Variants in GABRB2 observed in about 807,000 individuals in gnomAD.
The protein encoded by GABRB2 is gamma-aminobutyric acid type A receptor subunit beta2, also known as gamma-aminobutyric acid receptor subunit beta-2.
A neutral mutation model predicts 54.7 loss-of-function variants in GABRB2; 16 were observed. The observed-to-expected ratio is 0.29, with a 90% CI of 0.20 to 0.44. The LOEUF (loss-of-function observed/expected upper bound fraction) is 0.44. Among genes scored for constraint, GABRB2 ranks in the 20% least tolerant of loss-of-function variants. GABRB2 has a pLI of 1.00. For missense variants in GABRB2, 355 were observed against 644.0 expected, an observed-to-expected ratio of 0.55 and a Z score of 4.86; for synonymous variants, 244 against 233.8, an observed-to-expected ratio of 1.04 and a Z score of -0.40.
chr5:161,299,586 A>G (rs1305533733), intron 9 of GABRB2, among the ~76,000 whole-genome samples: 1 of 152,094 alleles, frequency 6.6e-6, no homozygotes, highest in Admixed American at 6.6e-5. Context: ...GCTAAGCAAG[A>G]CAGTATATTA....
chr5:161,500,776 A>C (rs1759408697), intron 3 of GABRB2, among the ~76,000 whole-genome samples: 1 of 152,128 alleles, frequency 6.6e-6, no homozygotes, highest in Non-Finnish European at 1.5e-5. Context: ...CAATGTCAAA[A>C]TTTCCCCCAA....
intron 3 of GABRB2, among the ~76,000 whole-genome samples, chr5:161,460,924 G>C (rs1214771133): frequency 6.6e-6 from 1 of 152,086 alleles, no homozygotes; most frequent in Non-Finnish European, 1.5e-5. Context: ...CCAAACCACT[G>C]GCTCTTGGGA....
chr5:161,407,031 A>C (rs1756367823), intron 5 of GABRB2, among the ~76,000 whole-genome samples: 2 of 152,080 alleles, frequency 1.3e-5, no homozygotes, highest in African/African-American at 4.8e-5. Context: ...ATGAGACCAA[A>C]ACACGTAATG....
chr5:161,498,374 A>G (rs950527791), intron 3 of GABRB2, among the ~76,000 whole-genome samples: 11 of 152,126 alleles, frequency 7.2e-5, no homozygotes, highest in African/African-American at 2.7e-4. Flanking sequence ...GCTATACTTA[A>G]AATGGCATAA....
At chr5:161,531,657 G>GAC in intron 3 of GABRB2, among the ~76,000 whole-genome samples, 1 of 151,570 alleles carries the variant, frequency 6.6e-6, no homozygotes, top group Non-Finnish European at 1.5e-5. Context: ...ATATCTCCCA[G>GAC]TAGCAGACTA....
At chr5:161,430,765 T>C (rs1234216559) in intron 4 of GABRB2, among the ~76,000 whole-genome samples, 1 of 152,148 alleles carries the variant, frequency 6.6e-6, no homozygotes, top group East Asian at 1.9e-4. Flanking sequence ...GGAAGTGTAA[T>C]TTAAAGCTCA....
At chr5:161,398,360 G>T (rs1324305514) in intron 5 of GABRB2, among the ~76,000 whole-genome samples, 1 of 152,174 alleles carries the variant, frequency 6.6e-6, no homozygotes, top group East Asian at 1.9e-4. Flanking sequence ...CCTTCAATAA[G>T]CATAGTAGTC....
intron 3 of GABRB2, among the ~76,000 whole-genome samples, chr5:161,467,400 T>A (rs1046454796): frequency 1.3e-5 from 2 of 152,110 alleles, no homozygotes; most frequent in Non-Finnish European, 2.9e-5. Context: ...GGATCTGACC[T>A]TCTGTCTTTC....
intron 5 of GABRB2, among the ~76,000 whole-genome samples, chr5:161,361,987 T>TGCATACGGCTAGCCAGTTTTCC (rs1211542566): frequency 6.6e-6 from 1 of 152,224 alleles, no homozygotes; most frequent in Admixed American, 6.6e-5. Context: ...TTCAGTTTTC[T>TGCATACGGCTAGCCAGTTTTCC]GCATACGGCT....
rs148240820 is a variant in GABRB2, at chr5:161,416,184, C to G, written c.459-5127G>C. On this transcript the variant is annotated intron_variant, in intron 4 of 9. Transcript: ENST00000393959. ...TGAATTCCTGTGCTCAAGGAATCCT[C>G]TCATCTCGGCCTCCCTAAGTGTTGA... Among the ~76,000 whole-genome samples, 6 of 152,300 alleles carry G rather than the reference C, an allele frequency of 3.9e-5. No homozygotes were observed. In the East Asian group the frequency reaches 9.7e-4, roughly 25 times the overall value.
At chr5:161,476,266 A>G (rs765523746) in intron 3 of GABRB2, among the ~76,000 whole-genome samples, 1 of 151,926 alleles carries the variant, frequency 6.6e-6, no homozygotes, top group Non-Finnish European at 1.5e-5. Flanking sequence ...TGCAAACTGT[A>G]ATATGTGATA....
chr5:161,402,070 T>G (rs1056928821), intron 5 of GABRB2, among the ~76,000 whole-genome samples: 1 of 151,452 alleles, frequency 6.6e-6, no homozygotes, highest in African/African-American at 2.4e-5. Flanking sequence ...ATATATTATA[T>G]AAAAATTTGT....
At chr5:161,462,267 T>G (rs1218473766) in intron 3 of GABRB2, among the ~76,000 whole-genome samples, 1 of 152,188 alleles carries the variant, frequency 6.6e-6, no homozygotes, top group Non-Finnish European at 1.5e-5. Context: ...AGAATTAGTT[T>G]GAGGATCTCT....
intron 4 of GABRB2, among the ~76,000 whole-genome samples, chr5:161,422,585 A>G (rs1756881302): frequency 6.6e-6 from 1 of 152,168 alleles, no homozygotes; most frequent in Non-Finnish European, 1.5e-5. Flanking sequence ...CAGTGCAAAT[A>G]TAGTTGATTT....
At chr5:161,294,486 C>T in intron 9 of GABRB2, 58 bp from the exon 10 acceptor site, 2 of 1,433,946 alleles carry the variant, frequency 1.4e-6, no homozygotes, top group South Asian at 2.4e-5. Flanking sequence ...CAGGTGCTTA[C>T]TAGGCAAGGC....
chr5:161,401,297 TAATAA>T (rs1756180369), intron 5 of GABRB2, among the ~76,000 whole-genome samples: 1 of 152,156 alleles, frequency 6.6e-6, no homozygotes, highest in South Asian at 2.1e-4. Flanking sequence ...CACTTAGAAA[TAATAA>T]AATAATAATT....
intron 5 of GABRB2, among the ~76,000 whole-genome samples, chr5:161,396,074 T>C (rs1407900755): frequency 6.6e-6 from 1 of 152,188 alleles, no homozygotes; most frequent in Non-Finnish European, 1.5e-5. Flanking sequence ...TAAATGATTG[T>C]CTTCTATGTG....
chr5:161,389,523 A>C (rs1755751942), intron 5 of GABRB2, among the ~76,000 whole-genome samples: 1 of 151,646 alleles, frequency 6.6e-6, no homozygotes, highest in South Asian at 2.1e-4. Flanking sequence ...ATATATAAAA[A>C]CATATAAAAT....
At chr5:161,420,723 T>G (rs1016876765) in intron 4 of GABRB2, among the ~76,000 whole-genome samples, 1 of 152,162 alleles carries the variant, frequency 6.6e-6, no homozygotes, top group Non-Finnish European at 1.5e-5. Flanking sequence ...CTGCTCTTCT[T>G]TTTGTAAATA....
Sources: allele counts gnomAD v4.1 joint callset (sites outside exome capture counted in the v4.1 genomes callset), GRCh38; gene constraint gnomAD v4.1.1; transcripts MANE v1.5; gene names NCBI Gene and HGNC (gene_info 2026-07-23, HGNC 2026-07-21).